Variants in RPL28 observed in about 807,000 individuals in gnomAD.
The protein encoded by RPL28 is large ribosomal subunit protein eL28.
RPL28 carries 4 observed loss-of-function variants against 12.5 expected under a neutral mutation model. The ratio of observed to expected loss-of-function variants is 0.32; its 90% CI spans 0.16 to 0.73. The LOEUF is 0.73. Ranked by LOEUF, RPL28 falls within the 30% of genes least tolerant of loss-of-function variation. The pLI, the probability that RPL28 is intolerant of heterozygous loss-of-function variation, is 0.66. For missense variants in RPL28, 214 were observed against 197.7 expected (o/e 1.08, Z -0.49); for synonymous variants, 91 against 72.5 (o/e 1.26, Z -1.30).
At chr19:55,387,612 C>T in intron 3 of RPL28, 2 of 1,396,708 alleles carry the variant, frequency 1.4e-6, no homozygotes, top group Non-Finnish European at 1.9e-6. Context: ...TACCCATTGC[C>T]AGGAGCGTGG....
rs138842105 is a variant in RPL28 at position 55,390,894 on chromosome 19, T to TC, written c.*2562_*2563insC. 52,818 of 985,302 alleles carry TC rather than the reference T, an allele frequency of 0.054. 1,446 individuals are homozygous for TC. The highest frequency in any genetic ancestry group is 0.068 in the Middle Eastern group (131 of 1,914). 61.0% of individuals were successfully genotyped at this position (985,302 alleles called of 1,614,324 possible). A position where few individuals can be genotyped will look rare whatever the true frequency, so the allele number is the denominator to read the frequency against. ...CTAGACCTCATCTTGGAGAGAGAGATGTTGGATGGGGCCATCTATTCCAGC... is the reference window on the plus strand; with the variant it reads ...CTAGACCTCATCTTGGAGAGAGAGATCGTTGGATGGGGCCATCTATTCCAGC... On this transcript the variant is annotated 3_prime_UTR_variant, in exon 5 of 5. Coordinates refer to ENST00000344063, the MANE Select transcript of RPL28 (RefSeq NM_000991.5).
rs567912804 is a variant in RPL28, at chr19:55,401,547, C to G, written c.325-1396C>G. On this transcript the variant is annotated intron_variant, in intron 4 of 4. Coordinates refer to the RPL28 transcript ENST00000560055. ...TGGGACCCTCAGCCCCTCCCGGGCCCCCTGGGGCCCCAGGGTCGGTGGAGG... is the reference window on the plus strand; with the variant it reads ...TGGGACCCTCAGCCCCTCCCGGGCCGCCTGGGGCCCCAGGGTCGGTGGAGG... 1.2e-5 allele frequency: 20 copies of G among 1,610,504 alleles called. No homozygotes were observed. The South Asian group carries it at 1.4e-4, about 12-fold the overall frequency.
At chr19:55,398,803 G>A (rs932406969) in intron 4 of RPL28, among the ~76,000 whole-genome samples, 4 of 148,056 alleles carry the variant, frequency 2.7e-5, no homozygotes, top group African/African-American at 1.0e-4. Context: ...CTGGGTTGAA[G>A]CAATTCTCCT....
At chr19:55,398,898 C>T (rs1470730282) in intron 4 of RPL28, among the ~76,000 whole-genome samples, 1 of 152,150 alleles carries the variant, frequency 6.6e-6, no homozygotes, top group East Asian at 1.9e-4. Context: ...GATGAGGTTT[C>T]GCCACGTTGG....
rs1001512524 is a variant in RPL28 at position 55,387,779 on chromosome 19, G to A, written c.206-151G>A. ...GAGTGAGCCTCTGTGAAATGGACAG[G>A]TGGGAAAACAGCTACCTGCTGGCCT... On this transcript the variant is annotated intron_variant, in intron 3 of 4. Coordinates refer to ENST00000344063, the MANE Select transcript of RPL28 (RefSeq NM_000991.5). 13 of 1,466,544 alleles carry A rather than the reference G, an allele frequency of 8.9e-6. No individual in the cohort carries two copies. In the African/African-American group the frequency reaches 9.9e-5, roughly 11 times the overall value. 90.8% of individuals were successfully genotyped at this position (1,466,544 alleles called of 1,614,324 possible).
downstream of RPL28, among the ~76,000 whole-genome samples, chr19:55,395,593 A>ATG (rs2090016576): frequency 1.3e-5 from 2 of 151,456 alleles, no homozygotes; most frequent in African/African-American, 4.9e-5. Context: ...ACAGGCGCCC[A>ATG]CCACCACACC....
At position 55,390,877 on chromosome 19, in the gene RPL28, C is replaced by A; in HGVS notation, c.*2545C>A. The stretch of plus-strand genomic sequence containing the variant: ...GACACCATTTCCCTCCTCTAGACCT[C>A]ATCTTGGAGAGAGAGATGTTGGATG... On this transcript the variant is annotated 3_prime_UTR_variant, in exon 5 of 5. Coordinates refer to ENST00000344063, the MANE Select transcript of RPL28 (RefSeq NM_000991.5). 1.0e-6 allele frequency: 1 copy of A among 985,230 alleles called. No individual in the cohort carries two copies. 61.0% of individuals were successfully genotyped at this position (985,230 alleles called of 1,614,324 possible). A position where few individuals can be genotyped will look rare whatever the true frequency, so the allele number is the denominator to read the frequency against.
intron 1 of RPL28, 104 bp from the exon 2 acceptor site, chr19:55,386,246 A>C (rs562091170): frequency 6.6e-6 from 7 of 1,067,944 alleles, no homozygotes; most frequent in Admixed American, 2.0e-5. Context: ...CATTCACCCA[A>C]GTTCCCAGTC....
Position 55,391,455 on chromosome 19 carries a change from C to G in RPL28, c.*3123C>G. ...GCATGGTGAGTGAGCGTAGGGCGCA[C>G]CCTGGAAGGCTGCCAAGCCCAAAGT... On this transcript the variant is annotated 3_prime_UTR_variant, in exon 5 of 5. Transcript: ENST00000344063. The G allele has an allele frequency of 7.4e-7, 1 of 1,357,890 alleles. No homozygotes were observed. The highest frequency in any genetic ancestry group is 3.1e-5 in the Admixed American group (1 of 32,082). 84.1% of individuals were successfully genotyped at this position (1,357,890 alleles called of 1,614,324 possible).
chr19:55,393,334 C>T (rs10408540), downstream of RPL28, among the ~76,000 whole-genome samples: 4,885 of 151,170 alleles, frequency 0.032, 283 homozygotes, highest in African/African-American at 0.11. Context: ...TGTCCAGTCT[C>T]CCCAGCCTCC....
rs866462173 is a variant in RPL28 at position 55,388,421 on chromosome 19, G to T, written c.*89G>T. ...TTTTGAAACGCTCTGGGGAGCTCTG[G>T]CCCTGTGTGTTGTCATTCAGGCCAT... On this transcript the variant is annotated 3_prime_UTR_variant, in exon 5 of 5. Transcript: ENST00000344063. 2.1e-4 allele frequency: 290 copies of T among 1,390,848 alleles called. No homozygotes were observed. The Middle Eastern group carries it at 3.5e-3, about 17-fold the overall frequency. The allele number at this position is 1,390,848 out of a possible 1,614,324, so 86.2% of individuals were successfully genotyped here.
At chr19:55,387,590 G>A in intron 3 of RPL28, 1 of 1,414,768 alleles carries the variant, frequency 7.1e-7, no homozygotes, top group Non-Finnish European at 9.2e-7. Flanking sequence ...GGGGTTCCTG[G>A]GAAGCTGTTC....
rs544579193 is a variant in RPL28 at position 55,401,832 on chromosome 19, G to A, written c.325-1111G>A. Reference sequence around the variant, plus strand: ...GGGACCCCCAGGCCTCCACAAGAGGGTGGCCTCCGCACTGGCTGTTCCTTC... The same window carrying A: ...GGGACCCCCAGGCCTCCACAAGAGGATGGCCTCCGCACTGGCTGTTCCTTC... On this transcript the variant is annotated intron_variant, in intron 4 of 4. Coordinates refer to the RPL28 transcript ENST00000560055. The A allele has an allele frequency of 6.3e-5, 97 of 1,549,542 alleles. 1 individual carries two copies. The South Asian group carries it at 1.0e-3, about 17-fold the overall frequency.
downstream of RPL28, among the ~76,000 whole-genome samples, chr19:55,393,130 C>A (rs528330684): frequency 7.0e-6 from 1 of 142,026 alleles, no homozygotes; most frequent in South Asian, 2.4e-4. Context: ...CAGCTCCCAC[C>A]GGCCTCCCAC....
Position 55,389,697 on chromosome 19 carries a change from C to T in RPL28, c.*1365C>T, listed in dbSNP as rs1469972035. On this transcript the variant is annotated 3_prime_UTR_variant, in exon 5 of 5. Coordinates refer to ENST00000344063, the MANE Select transcript of RPL28 (RefSeq NM_000991.5). ...GAAGGAGAGCAGATCTGACCACTTG[C>T]CAGCCCCTGTCTGCTGTGAATTACC... 2 of 985,374 alleles carry T rather than the reference C, an allele frequency of 2.0e-6. No individual in the cohort carries two copies. The highest frequency in any genetic ancestry group is 2.4e-6 in the Non-Finnish European group (2 of 830,024). 61.0% of individuals were successfully genotyped at this position (985,374 alleles called of 1,614,324 possible).
In RPL28 at chr19:55,390,801, G is replaced by A. The variant is rs2089983072; in HGVS notation, c.*2469G>A. The A allele has an allele frequency of 2.0e-6, 2 of 985,314 alleles. No homozygotes were observed. Among genetic ancestry groups the A allele is most frequent in the Admixed American group, 1.2e-4 (2 of 16,266 alleles). 61.0% of individuals were successfully genotyped at this position (985,314 alleles called of 1,614,324 possible). A position where few individuals can be genotyped will look rare whatever the true frequency, so the allele number is the denominator to read the frequency against. ...AGGAGAGGGCTGGAGGGAGGGAGATGGTCTCAGCCCCACAGAGTTTGGAGT... is the reference window on the plus strand; with the variant it reads ...AGGAGAGGGCTGGAGGGAGGGAGATAGTCTCAGCCCCACAGAGTTTGGAGT... On this transcript the variant is annotated 3_prime_UTR_variant, in exon 5 of 5. Transcript: ENST00000344063.
rs1444040974 is a variant in RPL28 at position 55,389,540 on chromosome 19, CTG to C, written c.*1209_*1210del. The C allele has an allele frequency of 3.0e-6, 3 of 985,346 alleles. No homozygotes were observed. Among genetic ancestry groups the C allele is most frequent in the Admixed American group, 6.1e-5 (1 of 16,270 alleles). The allele number at this position is 985,346 out of a possible 1,614,324, so 61.0% of individuals were successfully genotyped here. A position where few individuals can be genotyped will look rare whatever the true frequency, so the allele number is the denominator to read the frequency against. Reference sequence around the variant, plus strand: ...TGTCTGAGACCACCCCCGGCTCTGACTGAGAGTAAGGGGACTGTCAGGGCCTC... The same window carrying C: ...TGTCTGAGACCACCCCCGGCTCTGACAGAGTAAGGGGACTGTCAGGGCCTC... On this transcript the variant is annotated 3_prime_UTR_variant, in exon 5 of 5. Coordinates refer to ENST00000344063, the MANE Select transcript of RPL28 (RefSeq NM_000991.5).
Position 55,388,318 on chromosome 19 carries a change from A to G in RPL28, c.400A>G (p.Thr134Ala). Reference sequence around the variant, plus strand: ...GGTGAAGAGGAAGCGGACCCGCCCCACCAAGAGCTCCTGAGCCCCCTGCCC... The same window carrying G: ...GGTGAAGAGGAAGCGGACCCGCCCCGCCAAGAGCTCCTGAGCCCCCTGCCC... ...VMVKRKRTRP[T>A]KSS The change falls in exon 5 of 5, where the codon ACC becomes GCC. Residue 134 changes from threonine to alanine, a missense_variant. Transcript: ENST00000344063. The G allele has an allele frequency of 1.3e-6, 2 of 1,573,464 alleles. No individual in the cohort carries two copies. Among genetic ancestry groups the G allele is most frequent in the South Asian group, 2.3e-5 (2 of 86,070 alleles).
chr19:55,386,691 C>A lies in RPL28; in HGVS notation c.203C>A (p.Ser68Tyr). 6.2e-7 allele frequency: 1 copy of A among 1,614,154 alleles called. No individual in the cohort carries two copies. Among genetic ancestry groups the A allele is most frequent in the Non-Finnish European group, 8.5e-7 (1 of 1,180,012 alleles). The part of the protein sequence containing the change: ...KGVVVVIKRR[S>Y]GQRKPATSYV... ...GTCGTGGTGGTCATTAAGCGGAGATCCGGTGAGTTTTGTCTGGTTTGGGCC... is the reference window on the plus strand; with the variant it reads ...GTCGTGGTGGTCATTAAGCGGAGATACGGTGAGTTTTGTCTGGTTTGGGCC... Residue 68 changes from serine to tyrosine, a missense_variant and splice_region_variant, in exon 3 of 5, where the codon TCC becomes TAC. Coordinates refer to ENST00000344063, the MANE Select transcript of RPL28 (RefSeq NM_000991.5).
Sources: gnomAD v4.1 joint callset for allele counts (sites outside exome capture counted in the v4.1 genomes callset) on GRCh38, gnomAD v4.1.1 for gene constraint, MANE v1.5 for transcripts, NCBI Gene and HGNC (gene_info 2026-07-23, HGNC 2026-07-21) for gene names.